ZNF521: variants seen among roughly 807,000 people sequenced by gnomAD.
ZNF521 encodes the protein zinc finger protein 521, also known as LYST-interacting protein 3.
Under a neutral mutation model 105.5 loss-of-function variants are expected in ZNF521, and 14 were observed. The observed-to-expected ratio is 0.13, with a 90% CI of 0.09 to 0.21. The LOEUF (loss-of-function observed/expected upper bound fraction) is 0.21, where lower values mean the gene tolerates loss of function less well. Ranked by LOEUF, ZNF521 falls within the 10% of genes least tolerant of loss-of-function variation. The pLI is 1.00. For missense variants in ZNF521, 1,233 were observed against 1,629.7 expected (o/e 0.76, Z 4.19); for synonymous variants, 635 against 606.0 (o/e 1.05, Z -0.70).
At chr18:25,291,073 A>G (rs1444410425) in intron 3 of ZNF521, among the ~76,000 whole-genome samples, 1 of 152,178 alleles carries the variant, frequency 6.6e-6, no homozygotes, top group Non-Finnish European at 1.5e-5. Context: ...AAAACTATTA[A>G]TACACTTGCC....
intron 5 of ZNF521, among the ~76,000 whole-genome samples, chr18:25,092,529 A>G (rs1472030945): frequency 6.6e-6 from 1 of 152,204 alleles, no homozygotes; most frequent in Non-Finnish European, 1.5e-5. Context: ...TTCAGTTGAT[A>G]CAGACTATCT....
chr18:25,181,970 T>C (rs974965122), intron 5 of ZNF521, among the ~76,000 whole-genome samples: 6 of 152,200 alleles, frequency 3.9e-5, no homozygotes, highest in Admixed American at 1.3e-4. Flanking sequence ...ACTTCAATTA[T>C]CTTGATATGG....
At chr18:25,273,697 A>T (rs907029643) in intron 3 of ZNF521, 1 of 152,192 alleles carries the variant, frequency 6.6e-6, no homozygotes. Flanking sequence ...AATATTTGTT[A>T]TAACTACTTA....
intron 4 of ZNF521, among the ~76,000 whole-genome samples, chr18:25,222,839 C>A (rs906734606): frequency 6.6e-6 from 1 of 152,036 alleles, no homozygotes; most frequent in African/African-American, 2.4e-5. Flanking sequence ...ATTGCTTTAG[C>A]TAATGATGTC....
intron 5 of ZNF521, among the ~76,000 whole-genome samples, chr18:25,145,994 T>A (rs919021293): frequency 3.3e-5 from 5 of 151,742 alleles, no homozygotes; most frequent in Non-Finnish European, 7.4e-5. Context: ...ATTTATAAAG[T>A]CTTAATTGTG....
intron 5 of ZNF521, among the ~76,000 whole-genome samples, chr18:25,110,107 C>T (rs930454567): frequency 6.6e-6 from 1 of 152,166 alleles, no homozygotes; most frequent in Non-Finnish European, 1.5e-5. Context: ...GACCCTGCTT[C>T]CAGGAGTGTG....
At chr18:25,216,161 T>G (rs1905313522) in intron 4 of ZNF521, among the ~76,000 whole-genome samples, 1 of 152,176 alleles carries the variant, frequency 6.6e-6, no homozygotes, top group Non-Finnish European at 1.5e-5. Flanking sequence ...CATAGGGAAA[T>G]TCTGATGAAC....
chr18:25,165,170 C>T (rs531696588), intron 5 of ZNF521, among the ~76,000 whole-genome samples: 1 of 152,246 alleles, frequency 6.6e-6, no homozygotes, highest in Non-Finnish European at 1.5e-5. Context: ...TTAAATGATT[C>T]AGTGAAAGTA....
chr18:25,066,111 T>C (rs544028386), intron 7 of ZNF521, among the ~76,000 whole-genome samples: 1 of 152,338 alleles, frequency 6.6e-6, no homozygotes, highest in East Asian at 1.9e-4. Context: ...TGGAGATGCC[T>C]GCAGACCACG....
intron 4 of ZNF521, among the ~76,000 whole-genome samples, chr18:25,214,893 GC>G (rs2036254118): frequency 6.6e-6 from 1 of 152,080 alleles, no homozygotes. Context: ...GGGAGTGACT[GC>G]CCTAACAGGT....
At chr18:25,156,205 A>T (rs1366358028) in intron 5 of ZNF521, among the ~76,000 whole-genome samples, 4 of 152,208 alleles carry the variant, frequency 2.6e-5, no homozygotes, top group African/African-American at 9.6e-5. Context: ...ATCTTGTAAC[A>T]TCATGTTCTA....
intron 3 of ZNF521, among the ~76,000 whole-genome samples, chr18:25,297,249 C>T (rs1388077611): frequency 6.6e-6 from 1 of 151,876 alleles, no homozygotes; most frequent in Non-Finnish European, 1.5e-5. Flanking sequence ...CGTAAAGAAA[C>T]TCATGAGAAT....
chr18:25,122,081 G>T (rs1046641291), intron 5 of ZNF521, among the ~76,000 whole-genome samples: 9 of 152,100 alleles, frequency 5.9e-5, no homozygotes, highest in Non-Finnish European at 1.3e-4. Context: ...TCAAGACATA[G>T]AAGAAACACT....
intron 5 of ZNF521, among the ~76,000 whole-genome samples, chr18:25,116,975 A>ATATATATACG (rs1567968718): frequency 2.7e-5 from 1 of 37,442 alleles, no homozygotes; most frequent in African/African-American, 1.6e-4. Flanking sequence ...ATATATATGT[A>ATATATATACG]TATATATATA....
At chr18:25,149,189 A>G (rs2035000798) in intron 5 of ZNF521, among the ~76,000 whole-genome samples, 1 of 152,204 alleles carries the variant, frequency 6.6e-6, no homozygotes, top group Middle Eastern at 3.2e-3. Context: ...CCTTAAAGAC[A>G]GGAGGCAGAC....
At chr18:25,185,522 T>C (rs2035706263) in intron 5 of ZNF521, among the ~76,000 whole-genome samples, 1 of 152,096 alleles carries the variant, frequency 6.6e-6, no homozygotes, top group Non-Finnish European at 1.5e-5. Context: ...AATAATCTGG[T>C]GCAAATGGAC....
chr18:25,131,896 TC>T (rs1456102864), intron 5 of ZNF521, among the ~76,000 whole-genome samples: 1 of 152,210 alleles, frequency 6.6e-6, no homozygotes, highest in Non-Finnish European at 1.5e-5. Flanking sequence ...CTTGTTGACA[TC>T]ACCAGCTGTT....
At position 25,350,957 on chromosome 18, in the gene ZNF521, A is replaced by C; in HGVS notation, c.-1-10T>G. 6.5e-7 allele frequency: 1 copy of C among 1,548,214 alleles called. No individual in the cohort carries two copies. Among genetic ancestry groups the C allele is most frequent in the Non-Finnish European group, 8.7e-7 (1 of 1,145,348 alleles). On this transcript the variant is annotated splice_polypyrimidine_tract_variant and intron_variant, in intron 1 of 7. Coordinates refer to ENST00000361524, the MANE Select transcript of ZNF521 (RefSeq NM_015461.3). ...CTTGCGGCGAGACATCCTAAAAGCA[A>C]ACAGCTGAAGTTGTTTCAATTCAGC...
At chr18:25,273,119 TC>T (rs1338545231) in intron 3 of ZNF521, among the ~76,000 whole-genome samples, 8 of 144,578 alleles carry the variant, frequency 5.5e-5, no homozygotes, top group African/African-American at 2.0e-4. Context: ...CCCAGCTACT[TC>T]GGGGGCTAAG....
Sources: allele counts gnomAD v4.1 joint callset (sites outside exome capture counted in the v4.1 genomes callset), GRCh38; gene constraint gnomAD v4.1.1; transcripts MANE v1.5; gene names NCBI Gene and HGNC (gene_info 2026-07-23, HGNC 2026-07-21).